The following CHN1 variants were observed in gnomAD, a reference collection of about 807,000 sequenced individuals.
CHN1 encodes the protein N-chimaerin.
In CHN1, 37 loss-of-function variants were observed where a neutral mutation model predicts 59.5. The ratio of observed to expected loss-of-function variants is 0.62; its 90% confidence interval spans 0.48 to 0.82. CHN1 has a LOEUF of 0.82. Ranked by LOEUF, CHN1 falls within the 40% of genes least tolerant of loss-of-function variation. The probability of loss-of-function intolerance (pLI) is 0.00; values close to 1 mark genes in which losing one functional copy is unlikely to be tolerated. For missense variants in CHN1, 469 were observed against 571.0 expected (o/e 0.82, Z 1.82); for synonymous variants, 206 against 200.4 (o/e 1.03, Z -0.24).
chr2:174,811,591 G>A lies in CHN1; in HGVS notation c.887-3C>T. Reference sequence around the variant, plus strand: ...GTATAGTCCTTCAGAATTAAGACCTGAAAAATAAAACTAGTTAGTTTCTTT... The same window carrying A: ...GTATAGTCCTTCAGAATTAAGACCTAAAAAATAAAACTAGTTAGTTTCTTT... On this transcript the variant is annotated splice_region_variant and splice_polypyrimidine_tract_variant and intron_variant, in intron 9 of 12. Coordinates refer to ENST00000409900, the MANE Select transcript of CHN1 (RefSeq NM_001822.7). 1 of 1,585,866 alleles carries A rather than the reference G, an allele frequency of 6.3e-7. No homozygotes were observed. The highest frequency in any genetic ancestry group is 8.6e-7 in the Non-Finnish European group (1 of 1,163,268).
At chr2:174,868,434 CT>C (rs972196816) in intron 6 of CHN1, among the ~76,000 whole-genome samples, 3 of 152,162 alleles carry the variant, frequency 2.0e-5, no homozygotes, top group Non-Finnish European at 4.4e-5. Flanking sequence ...CAAGAAGAGA[CT>C]GCTGAGCCCC....
intron 3 of CHN1, among the ~76,000 whole-genome samples, chr2:174,939,431 C>T (rs1689592740): frequency 1.3e-5 from 2 of 152,144 alleles, no homozygotes; most frequent in South Asian, 4.1e-4. Context: ...CTACATTGAG[C>T]CTCAATCAGC....
At chr2:174,971,427 G>A (rs905920738) in intron 1 of CHN1, among the ~76,000 whole-genome samples, 8 of 152,046 alleles carry the variant, frequency 5.3e-5, no homozygotes, top group Non-Finnish European at 1.2e-4. Context: ...TTCAAATTCA[G>A]TAAATAGCAA....
At position 174,979,581 on chromosome 2, in the gene CHN1, G is replaced by A. The variant is rs186254846; in HGVS notation, c.19+25313C>T. On this transcript the variant is annotated intron_variant, in intron 1 of 12. Transcript: ENST00000409900. Reference sequence around the variant, plus strand: ...TGTAATCCCAACACTTTGGGAGGCCGAGGTGGGCAGATCACGAGGTCAAGA... The same window carrying A: ...TGTAATCCCAACACTTTGGGAGGCCAAGGTGGGCAGATCACGAGGTCAAGA... Among the ~76,000 whole-genome samples, 995 of 152,212 alleles carry A rather than the reference G, an allele frequency of 6.5e-3. 15 individuals carry two copies. The highest frequency in any genetic ancestry group is 0.022 in the African/African-American group (929 of 41,544).
intron 1 of CHN1, among the ~76,000 whole-genome samples, chr2:174,997,989 G>A (rs1691765140): frequency 7.7e-6 from 1 of 129,108 alleles, no homozygotes; most frequent in South Asian, 2.6e-4. Flanking sequence ...TCTGTCTCGG[G>A]GGCGCAAAAA....
intron 6 of CHN1, among the ~76,000 whole-genome samples, chr2:174,867,060 A>AT (rs112322984): frequency 2.8e-3 from 410 of 144,188 alleles, no homozygotes; most frequent in East Asian, 7.3e-3. Context: ...TTTTTACTTA[A>AT]TTTTTTTTTT....
At chr2:174,976,126 C>CAAAA (rs71031078) in intron 1 of CHN1, among the ~76,000 whole-genome samples, 2 of 50,180 alleles carry the variant, frequency 4.0e-5, no homozygotes, top group African/African-American at 8.9e-5. Context: ...GACTCCGTCT[C>CAAAA]AAAAAAAAAA....
At chr2:174,949,960 G>C (rs1369765011) in intron 2 of CHN1, among the ~76,000 whole-genome samples, 4 of 152,118 alleles carry the variant, frequency 2.6e-5, no homozygotes, top group Non-Finnish European at 4.4e-5. Context: ...CAGAACTGTA[G>C]TCTTATTAAA....
intron 6 of CHN1, among the ~76,000 whole-genome samples, chr2:174,861,011 C>T (rs1389464539): frequency 6.6e-6 from 1 of 152,112 alleles, no homozygotes; most frequent in African/African-American, 2.4e-5. Flanking sequence ...TGCCTAATCC[C>T]TCCTTCCATA....
intron 1 of CHN1, among the ~76,000 whole-genome samples, chr2:174,969,744 A>G (rs1690700865): frequency 6.6e-6 from 1 of 151,858 alleles, no homozygotes; most frequent in East Asian, 1.9e-4. Flanking sequence ...TACATATTTT[A>G]TCAATTTTAT....
At chr2:174,893,772 T>A (rs1688125082) in intron 5 of CHN1, among the ~76,000 whole-genome samples, 1 of 152,166 alleles carries the variant, frequency 6.6e-6, no homozygotes, top group Admixed American at 6.5e-5. Flanking sequence ...AGTTGTATGG[T>A]TTTGGACATA....
At chr2:174,832,004 A>G (rs1278154911) in intron 7 of CHN1, among the ~76,000 whole-genome samples, 1 of 152,182 alleles carries the variant, frequency 6.6e-6, no homozygotes, top group African/African-American at 2.4e-5. Context: ...GAACACTGAC[A>G]TACGGAAAAC....
intron 11 of CHN1, among the ~76,000 whole-genome samples, chr2:174,807,597 C>T (rs1326159409): frequency 6.6e-6 from 1 of 151,564 alleles, no homozygotes; most frequent in Non-Finnish European, 1.5e-5. Context: ...ATCCCTCATA[C>T]AAATTTTCAT....
intron 2 of CHN1, 95 bp downstream of exon 2, chr2:174,952,069 G>A (rs1690039831): frequency 1.3e-6 from 1 of 748,446 alleles, no homozygotes; most frequent in African/African-American, 1.9e-5. Context: ...TTTCAACAAT[G>A]GGTACAAAAT....
intron 7 of CHN1, among the ~76,000 whole-genome samples, chr2:174,844,199 GAA>G (rs3051663): frequency 0.4 from 54,848 of 136,518 alleles, 11,507 homozygotes; most frequent in Admixed American, 0.57. Context: ...AGTAACAATA[GAA>G]AAAAAAAAAA....
chr2:174,854,058 T>C (rs1686826684), intron 6 of CHN1, among the ~76,000 whole-genome samples: 1 of 152,158 alleles, frequency 6.6e-6, no homozygotes, highest in African/African-American at 2.4e-5. Flanking sequence ...ACAATTAAAG[T>C]TGAGTGAAAA....
intron 5 of CHN1, among the ~76,000 whole-genome samples, chr2:174,905,507 T>C (rs973132258): frequency 3.3e-5 from 5 of 152,246 alleles, no homozygotes; most frequent in African/African-American, 7.2e-5. Context: ...TGAGAGAGAA[T>C]TGAAGTTTGA....
chr2:174,902,835 C>G (rs1688431866), intron 5 of CHN1, among the ~76,000 whole-genome samples: 1 of 152,190 alleles, frequency 6.6e-6, no homozygotes, highest in African/African-American at 2.4e-5. Context: ...GCCCCTTTAT[C>G]AGTATCTACT....
chr2:174,913,388 G>A (rs1032953142), intron 5 of CHN1, among the ~76,000 whole-genome samples: 5 of 152,188 alleles, frequency 3.3e-5, no homozygotes, highest in East Asian at 3.9e-4. Flanking sequence ...TGGAAATAAG[G>A]TGGTGAAGAA....
Sources: allele counts gnomAD v4.1 joint callset (sites outside exome capture counted in the v4.1 genomes callset), GRCh38; gene constraint gnomAD v4.1.1; transcripts MANE v1.5; gene names NCBI Gene and HGNC (gene_info 2026-07-23, HGNC 2026-07-21).